Variants in ZFP1 observed in about 807,000 individuals in gnomAD.
ZFP1 encodes the protein zinc finger protein 1 homolog.
In ZFP1, 32 loss-of-function variants were observed where a neutral mutation model predicts 38.5. The observed-to-expected ratio is 0.83, with a 90% confidence interval of 0.63 to 1.12. The LOEUF (loss-of-function observed/expected upper bound fraction) is 1.12. Ranked by LOEUF, ZFP1 falls within the 50% of genes most tolerant of loss-of-function variation. The pLI is 0.00. For missense variants in ZFP1, 616 were observed against 480.8 expected, an observed-to-expected ratio of 1.28 and a Z score of -2.63; for synonymous variants, 245 against 168.8, an observed-to-expected ratio of 1.45 and a Z score of -3.50.
chr16:75,165,436 C>T lies in ZFP1; in HGVS notation c.16-1334C>T, dbSNP rs1027079587. 3.9e-5 allele frequency among the ~76,000 whole-genome samples: 6 copies of T among 152,032 alleles called. No individual in the cohort carries two copies. The East Asian group carries it at 9.7e-4, about 25-fold the overall frequency. On this transcript the variant is annotated intron_variant, in intron 2 of 3. Coordinates refer to ENST00000570010, the MANE Select transcript of ZFP1 (RefSeq NM_153688.4). ...CTGAGACAGAGTCTTGCTCTGTCAC[C>T]CAGGCTCAAGTGCAGTGGGGCAGTC... is the stretch of plus-strand genomic sequence containing the variant.
At chr16:75,121,090 A>G in the ZFP1 span, among the ~76,000 whole-genome samples, 4 of 152,236 alleles carry the variant, frequency 2.6e-5, no homozygotes, top group African/African-American at 9.6e-5. Context: ...CCCAGAGCTC[A>G]GAGATCCACT....
the ZFP1 span, among the ~76,000 whole-genome samples, chr16:75,131,895 G>T: frequency 6.6e-6 from 1 of 151,854 alleles, no homozygotes; most frequent in African/African-American, 2.4e-5. Context: ...AACCCAGGAG[G>T]TGGAGGTTAC....
the ZFP1 span, among the ~76,000 whole-genome samples, chr16:75,124,587 T>C: frequency 6.7e-6 from 1 of 150,010 alleles, no homozygotes; most frequent in African/African-American, 2.4e-5. Flanking sequence ...ATCGAGACCA[T>C]CCTGGCTAAC....
intron 3 of ZFP1, among the ~76,000 whole-genome samples, chr16:75,168,151 C>G (rs1472273266): frequency 6.6e-6 from 1 of 152,166 alleles, no homozygotes; most frequent in African/African-American, 2.4e-5. Flanking sequence ...GCCAGTGTGC[C>G]TGGCCAGATG....
intron 1 of ZFP1, 106 bp from the exon 2 acceptor site, chr16:75,152,803 G>A (rs187107148): frequency 2.0e-6 from 2 of 986,824 alleles, no homozygotes; most frequent in South Asian, 1.7e-5. Context: ...CCCAGGAGGT[G>A]GTATTTTCCC....
chr16:75,164,345 G>T (rs1046290409), intron 2 of ZFP1, among the ~76,000 whole-genome samples: 1 of 151,798 alleles, frequency 6.6e-6, no homozygotes, highest in African/African-American at 2.4e-5. Context: ...TATTTTTTCA[G>T]TACTTTCCTA....
At chr16:75,135,232 A>AAC in the ZFP1 span, among the ~76,000 whole-genome samples, 2 of 9,190 alleles carry the variant, frequency 2.2e-4, no homozygotes, top group South Asian at 1.7e-3. Flanking sequence ...AAAAAAAAAA[A>AAC]ACCACTGGAA....
chr16:75,156,521 A>G (rs891910037), intron 2 of ZFP1, among the ~76,000 whole-genome samples: 15 of 152,154 alleles, frequency 9.9e-5, no homozygotes, highest in African/African-American at 3.6e-4. Flanking sequence ...GGAAAAGATG[A>G]GCTGAATTGA....
chr16:75,152,295 CT>C (rs1281457574), intron 1 of ZFP1, among the ~76,000 whole-genome samples: 1 of 152,098 alleles, frequency 6.6e-6, no homozygotes, highest in Non-Finnish European at 1.5e-5. Context: ...TCTTCAAATA[CT>C]TCTTTTCTCC....
chr16:75,151,602 T>C (rs1027677653), intron 1 of ZFP1, among the ~76,000 whole-genome samples: 1 of 152,226 alleles, frequency 6.6e-6, no homozygotes, highest in Non-Finnish European at 1.5e-5. Flanking sequence ...AACATTATAC[T>C]CCCAATTTCA....
the ZFP1 span, among the ~76,000 whole-genome samples, chr16:75,139,965 C>G: frequency 3.9e-5 from 6 of 152,000 alleles, no homozygotes; most frequent in Middle Eastern, 6.8e-3. Context: ...TGTATTTTAC[C>G]ACAATAAAAA....
the ZFP1 span, chr16:75,132,364 G>C: frequency 1.4e-5 from 2 of 143,172 alleles, no homozygotes; most frequent in African/African-American, 5.2e-5. Context: ...GCAACAGAGT[G>C]AGACCCTGTC....
the ZFP1 span, among the ~76,000 whole-genome samples, chr16:75,143,164 A>G: frequency 7.3e-4 from 112 of 152,396 alleles, no homozygotes; most frequent in African/African-American, 2.6e-3. Context: ...AATAAAAAAA[A>G]AGATATAGAG....
At position 75,169,247 on chromosome 16, in the gene ZFP1, T is replaced by A; in HGVS notation, c.143-6T>A. 1 of 1,600,210 alleles carries A rather than the reference T, an allele frequency of 6.2e-7. No individual in the cohort carries two copies. Among genetic ancestry groups the A allele is most frequent in the East Asian group, 2.2e-5 (1 of 44,796 alleles). ...AGGTTCTTTTCATTGTGCTCTCTAT[T>A]CCTAGAAGTGTGGAAGGCTGATGAC... is the stretch of plus-strand genomic sequence containing the variant. On this transcript the variant is annotated splice_region_variant and splice_polypyrimidine_tract_variant and intron_variant, in intron 3 of 3. Transcript: ENST00000570010.
chr16:75,169,303 G>A lies in ZFP1; in HGVS notation c.193G>A (p.Glu65Lys), dbSNP rs748881168. The A allele has an allele frequency of 1.7e-5, 27 of 1,613,876 alleles. No individual in the cohort carries two copies. The Admixed American group carries it at 2.2e-4, about 13-fold the overall frequency. ...GGAGAGAGACCACAGAAACCCAGACGAGCAGGCGAGGCAATTTTTAATTCT... is the reference window on the plus strand; with the variant it reads ...GGAGAGAGACCACAGAAACCCAGACAAGCAGGCGAGGCAATTTTTAATTCT... ...QMERDHRNPD[E>K]QARQFLILKN... Residue 65 changes from glutamate to lysine, a missense_variant, in exon 4 of 4, where the codon GAG (glutamate) becomes AAG (lysine). Transcript: ENST00000570010.
chr16:75,135,967 C>T, the ZFP1 span, among the ~76,000 whole-genome samples: 5 of 152,154 alleles, frequency 3.3e-5, no homozygotes, highest in Admixed American at 2.0e-4. Context: ...AGGCACCCGC[C>T]GCCATGCCTG....
intron 3 of ZFP1, 146 bp from the exon 4 acceptor site, chr16:75,169,107 T>G (rs1306725443): frequency 3.6e-6 from 4 of 1,119,348 alleles, no homozygotes; most frequent in East Asian, 5.3e-5. Context: ...AGGAAACATT[T>G]GCACTGGGAA....
intron 2 of ZFP1, among the ~76,000 whole-genome samples, chr16:75,160,757 G>A (rs2037730288): frequency 6.6e-6 from 1 of 152,064 alleles, no homozygotes; most frequent in African/African-American, 2.4e-5. Flanking sequence ...TCTTCTTCCA[G>A]GATGGCACTT....
At chr16:75,140,879 C>A in the ZFP1 span, among the ~76,000 whole-genome samples, 9 of 152,052 alleles carry the variant, frequency 5.9e-5, no homozygotes, top group Admixed American at 2.0e-4. Context: ...GAAAGTCATG[C>A]ATCCGGGAGG....
Sources: allele counts gnomAD v4.1 joint callset (sites outside exome capture counted in the v4.1 genomes callset), GRCh38; gene constraint gnomAD v4.1.1; transcripts MANE v1.5; gene names NCBI Gene and HGNC (gene_info 2026-07-23, HGNC 2026-07-21).